KIF26B: variants seen among roughly 807,000 people sequenced by gnomAD.
KIF26B encodes kinesin-like protein KIF26B.
A neutral mutation model predicts 151.2 loss-of-function variants in KIF26B; 63 were observed. The observed-to-expected ratio is 0.42, with a 90% CI of 0.34 to 0.51. The LOEUF (loss-of-function observed/expected upper bound fraction) is 0.51, where lower values mean the gene tolerates loss of function less well. KIF26B is among the 20% of genes least tolerant of loss of function. The probability of loss-of-function intolerance (pLI) is 0.07; values close to 1 mark genes in which losing one functional copy is unlikely to be tolerated. For missense variants in KIF26B, 2,813 were observed against 2,913.6 expected (o/e 0.97, Z 0.79); for synonymous variants, 1,357 against 1,262.1 (o/e 1.08, Z -1.59).
rs1186881926 is a variant in KIF26B, at chr1:245,218,928, C to T, written c.465+62245C>T. Among the ~76,000 whole-genome samples, 1 of 152,032 alleles carries T rather than the reference C, an allele frequency of 6.6e-6. No homozygotes were observed. The highest frequency in any genetic ancestry group is 1.5e-5 in the Non-Finnish European group (1 of 68,016). On this transcript the variant is annotated intron_variant, in intron 2 of 14. Coordinates refer to ENST00000407071, the MANE Select transcript of KIF26B (RefSeq NM_018012.4). This position sits in a 1 kb window ranked among gnomAD's most constrained non-coding sequence, Gnocchi z 4.1. ...CTTTCCCCGGTTCTTGTTGGCATTT[C>T]TGACTTTGCCATTTCAGTTGGCACT...
In KIF26B at chr1:245,698,432, A is replaced by C; in HGVS notation, c.6027+124A>C. On this transcript the variant is annotated intron_variant, in intron 13 of 14. Transcript: ENST00000407071. This position sits in a 1 kb window ranked among gnomAD's most constrained non-coding sequence, Gnocchi z 4.0. ...CCGGGCTTCCCAGCGGGCTTCTGGC[A>C]TGGGTGGTGGGAAGGGGGCTTCTGT... 1 of 854,292 alleles carries C rather than the reference A, an allele frequency of 1.2e-6. No individual in the cohort carries two copies. The highest frequency in any genetic ancestry group is 2.5e-5 in the Admixed American group (1 of 40,164). The allele number at this position is 854,292 out of a possible 1,614,324, so 52.9% of individuals were successfully genotyped here.
At chr1:245,214,700 C>T (rs1394500248) in intron 2 of KIF26B, among the ~76,000 whole-genome samples, 1 of 152,010 alleles carries the variant, frequency 6.6e-6, no homozygotes, top group Non-Finnish European at 1.5e-5. Context: ...ATTAGCTGGG[C>T]TTGGTGGTGC....
At chr1:245,362,855 GT>G (rs1475609731) in intron 2 of KIF26B, among the ~76,000 whole-genome samples, 1 of 152,178 alleles carries the variant, frequency 6.6e-6, no homozygotes, top group African/African-American at 2.4e-5. Flanking sequence ...AGATAAGAGT[GT>G]TCTAAGTATC....
intron 4 of KIF26B, among the ~76,000 whole-genome samples, chr1:245,439,668 C>T (rs940390083): frequency 6.6e-5 from 10 of 152,078 alleles, no homozygotes; most frequent in Non-Finnish European, 4.4e-5. Context: ...AGCAGAGGAG[C>T]TTTAATGAGA....
At chr1:245,607,815 C>A in intron 7 of KIF26B, 71 bp downstream of exon 7, 2 of 1,206,190 alleles carry the variant, frequency 1.7e-6, no homozygotes, top group East Asian at 2.5e-5. Flanking sequence ...CTCTGTCTCC[C>A]TCCCAGAGTT....
chr1:245,200,777 T>G (rs1055337594), intron 2 of KIF26B, among the ~76,000 whole-genome samples: 3 of 152,346 alleles, frequency 2.0e-5, no homozygotes, highest in Admixed American at 1.3e-4. Context: ...ATCTAATTGT[T>G]GAATTTCAAA....
At chr1:245,626,469 T>C (rs544378800) in intron 9 of KIF26B, among the ~76,000 whole-genome samples, 153 of 152,192 alleles carry the variant, frequency 1.0e-3, no homozygotes, top group Non-Finnish European at 1.7e-3. Context: ...CATTGTGGTT[T>C]TGATTTGCAC....
chr1:245,528,620 C>T (rs1388939404), intron 4 of KIF26B, among the ~76,000 whole-genome samples: 2 of 152,202 alleles, frequency 1.3e-5, no homozygotes, highest in Non-Finnish European at 2.9e-5. Flanking sequence ...CACATGTCAA[C>T]CCATATGTCA....
chr1:245,220,312 A>C (rs1433395278), intron 2 of KIF26B, among the ~76,000 whole-genome samples: 1 of 152,232 alleles, frequency 6.6e-6, no homozygotes, highest in Non-Finnish European at 1.5e-5. Flanking sequence ...TAATTCTCAC[A>C]GTAACCCTGT....
intron 3 of KIF26B, among the ~76,000 whole-genome samples, chr1:245,397,650 G>A (rs2103025500): frequency 6.6e-6 from 1 of 152,360 alleles, no homozygotes. Context: ...AACTAATGAT[G>A]TTTTTAAAAT....
chr1:245,461,557 T>G (rs1419176326), intron 4 of KIF26B, among the ~76,000 whole-genome samples: 3 of 152,076 alleles, frequency 2.0e-5, no homozygotes, highest in Non-Finnish European at 4.4e-5. Context: ...AGAAACCCAC[T>G]GAGGAGGAAA....
At chr1:245,456,423 C>A (rs1234480076) in intron 4 of KIF26B, among the ~76,000 whole-genome samples, 1 of 152,182 alleles carries the variant, frequency 6.6e-6, no homozygotes, top group Non-Finnish European at 1.5e-5. Context: ...ATACACAATG[C>A]CAAATTCTAC....
rs1668413140 is a variant in KIF26B, at chr1:245,155,492, G to A, written c.63+5G>A. 1 of 1,609,322 alleles carries A rather than the reference G, an allele frequency of 6.2e-7. No homozygotes were observed. The highest frequency in any genetic ancestry group is 8.5e-7 in the Non-Finnish European group (1 of 1,176,948). Reference sequence around the variant, plus strand: ...ACCAGGGGCAAGAAATACGGGGTAAGTTGTGACGGTACGACGCGGAGACGC... The same window carrying A: ...ACCAGGGGCAAGAAATACGGGGTAAATTGTGACGGTACGACGCGGAGACGC... On this transcript the variant is annotated splice_donor_5th_base_variant and intron_variant, in intron 1 of 14. Transcript: ENST00000407071.
intron 4 of KIF26B, among the ~76,000 whole-genome samples, chr1:245,539,554 A>T (rs988212627): frequency 5.9e-5 from 9 of 152,236 alleles, no homozygotes; most frequent in Non-Finnish European, 1.3e-4. Flanking sequence ...TCAAGAATTC[A>T]TCCAGAAATG....
chr1:245,686,005 G>A lies in KIF26B; in HGVS notation c.3022G>A (p.Val1008Met). Residue 1008 changes from valine (V) to methionine (M), a missense_variant, in exon 12 of 15, where the codon GTG (valine) becomes ATG (methionine). By Grantham distance (21) the Val-to-Met change is conservative. Around this residue, in one of 3 missense-constraint regions of KIF26B, gnomAD observed 2,060 missense variants for 2,088.6 expected, o/e 0.99. Coordinates refer to ENST00000407071, the MANE Select transcript of KIF26B (RefSeq NM_018012.4). The surrounding 1 kb of genome is among the most constrained non-coding windows in gnomAD (Gnocchi z 5.6). The stretch of plus-strand genomic sequence containing the variant: ...CAAGATGCAGAGGAGTCACTCACCT[G>A]TGCCCGCCGCGGCACCCGCCCACAG... ...ASKMQRSHSP[V>M]PAAAPAHSPS... 6.3e-7 allele frequency: 1 copy of A among 1,587,120 alleles called. No homozygotes were observed. The highest frequency in any genetic ancestry group is 1.1e-5 in the South Asian group (1 of 88,186).
chr1:245,176,264 G>A (rs1038896473), intron 2 of KIF26B, among the ~76,000 whole-genome samples: 1 of 150,720 alleles, frequency 6.6e-6, no homozygotes, highest in African/African-American at 2.5e-5. Context: ...CTCCCAAAGT[G>A]CTGGGATTAC....
intron 5 of KIF26B, among the ~76,000 whole-genome samples, chr1:245,552,015 C>G (rs76410592): frequency 0.017 from 2,521 of 151,592 alleles, 87 homozygotes; most frequent in African/African-American, 0.058. Context: ...TCTTGTTCCC[C>G]TTTGAATCCA....
At chr1:245,297,548 G>A (rs1236436724) in intron 2 of KIF26B, among the ~76,000 whole-genome samples, 1 of 152,140 alleles carries the variant, frequency 6.6e-6, no homozygotes, top group African/African-American at 2.4e-5. Flanking sequence ...ATTTTGCCTT[G>A]AAAAATTAGA....
chr1:245,375,387 T>C lies in KIF26B; in HGVS notation c.999+8020T>C, dbSNP rs1467563818. On this transcript the variant is annotated intron_variant, in intron 3 of 14. Transcript: ENST00000407071. This position sits in a 1 kb window ranked among gnomAD's most constrained non-coding sequence, Gnocchi z 4.2. The stretch of plus-strand genomic sequence containing the variant: ...CCACCACATCCGGCCAAGGAGATCA[T>C]TTTAGACTATCTGGGTGGACTCAAT... Among the ~76,000 whole-genome samples the C allele has an allele frequency of 2.0e-5, 3 of 152,092 alleles. No individual in the cohort carries two copies. Among genetic ancestry groups the C allele is most frequent in the Admixed American group, 2.0e-4 (3 of 15,270 alleles).
Sources: gnomAD v4.1 joint callset for allele counts (sites outside exome capture counted in the v4.1 genomes callset) on GRCh38, gnomAD v4.1.1 for gene constraint, gnomAD v4.1.1 regional missense constraint, Gnocchi (gnomAD v3.1) non-coding constraint, MANE v1.5 for transcripts, NCBI Gene and HGNC (gene_info 2026-07-23, HGNC 2026-07-21) for gene names.